The following ANKFN1 variants were observed in gnomAD, a reference collection of about 807,000 sequenced individuals.
The protein encoded by ANKFN1 is ankyrin repeat and fibronectin type-III domain-containing protein 1.
In ANKFN1, 74 loss-of-function variants were observed where a neutral mutation model predicts 108.7. That is an observed-to-expected ratio of 0.68 (90% CI 0.56 to 0.83). The LOEUF (loss-of-function observed/expected upper bound fraction) is 0.83, where lower values mean the gene tolerates loss of function less well. Among genes scored for constraint, ANKFN1 ranks in the 40% least tolerant of loss-of-function variants. The probability of loss-of-function intolerance (pLI) is 0.00; values close to 1 mark genes in which losing one functional copy is unlikely to be tolerated. For missense variants in ANKFN1, 1,505 were observed against 1,382.3 expected (o/e 1.09, Z -1.41); for synonymous variants, 547 against 516.2 (o/e 1.06, Z -0.81).
At chr17:56,489,726 T>C (rs1025758941) in intron 18 of ANKFN1, among the ~76,000 whole-genome samples, 1 of 145,908 alleles carries the variant, frequency 6.9e-6, no homozygotes, top group East Asian at 2.0e-4. Flanking sequence ...AAAAAAACAA[T>C]TTTTTTTTTT....
chr17:56,261,186 A>G (rs145393919), intron 3 of ANKFN1, among the ~76,000 whole-genome samples: 4 of 152,282 alleles, frequency 2.6e-5, no homozygotes, highest in African/African-American at 7.2e-5. Context: ...CCTCCCAGAT[A>G]CTATATTTTG....
intron 15 of ANKFN1, among the ~76,000 whole-genome samples, chr17:56,467,783 G>GAAAGAAAGAAAGAAAGAAAGAAAGAA (rs2050145430): frequency 1.7e-4 from 4 of 22,866 alleles, no homozygotes; most frequent in African/African-American, 3.3e-4. Flanking sequence ...AAGAAAGAAA[G>GAAAGAAAGAAAGAAAGAAAGAAAGAA]AAAGAAAGAA....
chr17:56,253,906 G>T (rs182933804), intron 3 of ANKFN1, among the ~76,000 whole-genome samples: 2 of 151,836 alleles, frequency 1.3e-5, no homozygotes, highest in Admixed American at 6.6e-5. Context: ...TTGTATTTTG[G>T]GTATTTACAT....
chr17:56,481,489 A>AACAC (rs57493335), intron 17 of ANKFN1, among the ~76,000 whole-genome samples: 354 of 149,030 alleles, frequency 2.4e-3, no homozygotes, highest in Admixed American at 3.9e-3. Context: ...CCCTCCCCAA[A>AACAC]ACACACACAC....
chr17:56,144,377 C>T (rs1908128179), intron 4 of ANKFN1, among the ~76,000 whole-genome samples: 1 of 152,106 alleles, frequency 6.6e-6, no homozygotes, highest in Non-Finnish European at 1.5e-5. Context: ...ACTTCTAGAA[C>T]TATTGGGTGA....
intron 4 of ANKFN1, among the ~76,000 whole-genome samples, chr17:56,082,426 C>T (rs1488930711): frequency 2.1e-5 from 3 of 140,168 alleles, no homozygotes; most frequent in Non-Finnish European, 4.8e-5. Flanking sequence ...TCCTCAAATC[C>T]CTATCACACA....
In ANKFN1 at chr17:56,091,268, C is replaced by T. The variant is rs1309764021; in HGVS notation, c.288+44943C>T. Among the ~76,000 whole-genome samples, 4 of 151,126 alleles carry T rather than the reference C, an allele frequency of 2.6e-5. 1 individual carries two copies. The highest frequency in any genetic ancestry group is 4.9e-5 in the African/African-American group (2 of 41,156). ...CATATAATAAAAACGTTAATCAAAACTGTAAAACACAATGAAACTGTAGGC... is the reference window on the plus strand; with the variant it reads ...CATATAATAAAAACGTTAATCAAAATTGTAAAACACAATGAAACTGTAGGC... On this transcript the variant is annotated intron_variant, in intron 4 of 12. Coordinates refer to the ANKFN1 transcript ENST00000635860.
At chr17:56,288,423 T>C (rs1449364723) in intron 3 of ANKFN1, among the ~76,000 whole-genome samples, 6 of 152,156 alleles carry the variant, frequency 3.9e-5, no homozygotes, top group Admixed American at 2.0e-4. Flanking sequence ...TATATTTTCT[T>C]TTATCTGTTA....
chr17:56,321,873 T>C (rs2072507925), intron 3 of ANKFN1, among the ~76,000 whole-genome samples: 1 of 152,134 alleles, frequency 6.6e-6, no homozygotes, highest in South Asian at 2.1e-4. Flanking sequence ...GGACTGAAGT[T>C]CAAACTCCCG....
At chr17:56,231,764 T>C (rs1916751934) in intron 3 of ANKFN1, among the ~76,000 whole-genome samples, 1 of 152,156 alleles carries the variant, frequency 6.6e-6, no homozygotes, top group South Asian at 2.1e-4. Flanking sequence ...TCCCCCAAAT[T>C]TCACGTATTT....
rs200485693 is a variant in ANKFN1 at position 56,399,429 on chromosome 17, AT to A, written c.910+24726del. Among the ~76,000 whole-genome samples, 432 of 147,218 alleles carry A rather than the reference AT, an allele frequency of 2.9e-3. 1 individual carries two copies. Among genetic ancestry groups the A allele is most frequent in the East Asian group, 9.5e-3 (48 of 5,060 alleles). ...TATTCATAACAATGGACACAGGCTC[AT>A]TTTTTTTTTTAATCTCTCATCACAC... On this transcript the variant is annotated intron_variant, in intron 8 of 20. Coordinates refer to ENST00000682825, the MANE Select transcript of ANKFN1 (RefSeq NM_001370326.1).
At chr17:56,254,710 C>G (rs2043316803) in intron 3 of ANKFN1, among the ~76,000 whole-genome samples, 1 of 152,150 alleles carries the variant, frequency 6.6e-6, no homozygotes, top group South Asian at 2.1e-4. Context: ...TTGACCTCAG[C>G]CACTCTTGGA....
intron 18 of ANKFN1, among the ~76,000 whole-genome samples, chr17:56,488,416 CGTCTACTGAAATGG>C (rs1261429025): frequency 1.3e-5 from 2 of 152,088 alleles, no homozygotes; most frequent in Non-Finnish European, 2.9e-5. Flanking sequence ...ATAATGTTAC[CGTCTACTGAAATGG>C]GCCATAGGAA....
intron 1 of ANKFN1, among the ~76,000 whole-genome samples, chr17:56,170,778 A>ATATATATATT (rs1910593628): frequency 1.5e-5 from 1 of 68,868 alleles, no homozygotes; most frequent in African/African-American, 7.3e-5. Flanking sequence ...AATTTTTTAT[A>ATATATATATT]TATATATATA....
chr17:56,396,541 G>T (rs529626461), intron 8 of ANKFN1, among the ~76,000 whole-genome samples: 17 of 150,788 alleles, frequency 1.1e-4, no homozygotes, highest in South Asian at 2.1e-4. Flanking sequence ...GAAACTTCTG[G>T]TTTTTTTTTG....
chr17:56,515,264 C>T lies in ANKFN1; in HGVS notation c.*3995C>T, dbSNP rs558346314. Among the ~76,000 whole-genome samples, 2 of 152,064 alleles carry T rather than the reference C, an allele frequency of 1.3e-5. No homozygotes were observed. Among genetic ancestry groups the T allele is most frequent in the Non-Finnish European group, 2.9e-5 (2 of 68,004 alleles). The stretch of plus-strand genomic sequence containing the variant: ...GAGTGTGTATTTCTTGGTATATGTG[C>T]TTATTAAGCTATCACATACCAATTA... On this transcript the variant is annotated 3_prime_UTR_variant, in exon 21 of 21. Coordinates refer to ENST00000682825, the MANE Select transcript of ANKFN1 (RefSeq NM_001370326.1).
intron 3 of ANKFN1, among the ~76,000 whole-genome samples, chr17:56,245,136 C>G (rs1268586505): frequency 6.6e-6 from 1 of 151,988 alleles, no homozygotes; most frequent in Non-Finnish European, 1.5e-5. Context: ...AACTGTGTGT[C>G]ATTCTGGAAA....
chr17:56,408,787 A>T (rs187732786), intron 8 of ANKFN1, among the ~76,000 whole-genome samples: 2 of 152,356 alleles, frequency 1.3e-5, no homozygotes, highest in Non-Finnish European at 2.9e-5. Flanking sequence ...TTCTATACAG[A>T]TGATTAAATT....
intron 4 of ANKFN1, among the ~76,000 whole-genome samples, chr17:56,056,842 C>T (rs1904885952): frequency 6.6e-6 from 1 of 152,164 alleles, no homozygotes; most frequent in South Asian, 2.1e-4. Context: ...TAAAAAATAA[C>T]AGTGAAGTTT....
Sources: allele counts gnomAD v4.1 joint callset (sites outside exome capture counted in the v4.1 genomes callset), GRCh38; gene constraint gnomAD v4.1.1; transcripts MANE v1.5; gene names NCBI Gene and HGNC (gene_info 2026-07-23, HGNC 2026-07-21).